Variants in GUCY1A2 observed in about 807,000 individuals in gnomAD.
GUCY1A2 encodes the protein guanylate cyclase soluble subunit alpha-2.
In GUCY1A2, 27 loss-of-function variants were observed where a neutral mutation model predicts 63.5. The observed-to-expected ratio is 0.43, with a 90% CI of 0.31 to 0.59. The LOEUF (loss-of-function observed/expected upper bound fraction) is 0.59. GUCY1A2 is among the 20% of genes least tolerant of loss of function. GUCY1A2 has a pLI of 0.11. For missense variants in GUCY1A2, 768 were observed against 913.3 expected, an observed-to-expected ratio of 0.84 and a Z score of 2.05; for synonymous variants, 364 against 343.5, an observed-to-expected ratio of 1.06 and a Z score of -0.66.
At chr11:106,697,739 G>A (rs1282001193) in intron 7 of GUCY1A2, among the ~76,000 whole-genome samples, 1 of 152,170 alleles carries the variant, frequency 6.6e-6, no homozygotes, top group East Asian at 1.9e-4. Flanking sequence ...TTAATTCTGA[G>A]AGTGAATAAA....
intron 1 of GUCY1A2, among the ~76,000 whole-genome samples, chr11:107,002,018 CA>C (rs142852537): frequency 0.015 from 1,517 of 100,620 alleles, 12 homozygotes; most frequent in African/African-American, 0.042. Flanking sequence ...GACTCTGTCT[CA>C]AAAAAAAAAA....
intron 6 of GUCY1A2, among the ~76,000 whole-genome samples, chr11:106,756,706 C>G (rs139222778): frequency 1.3e-5 from 2 of 152,074 alleles, no homozygotes; most frequent in Non-Finnish European, 2.9e-5. Flanking sequence ...GGGTTTTTGC[C>G]GAGAGATCTG....
rs1255084608 is a variant in GUCY1A2, at chr11:106,674,181, C to T, written c.*13368G>A. ...TTTGTTTTATAAGAATCCCACGTTT[C>T]CATCACTTATTTTTCATATACAAAT... On this transcript the variant is annotated 3_prime_UTR_variant, in exon 8 of 8. Coordinates refer to ENST00000526355, the MANE Select transcript of GUCY1A2 (RefSeq NM_000855.3). 1 of 184,450 alleles carries T rather than the reference C, an allele frequency of 5.4e-6. No homozygotes were observed. Among genetic ancestry groups the T allele is most frequent in the Non-Finnish European group, 1.2e-5 (1 of 86,916 alleles). 11.4% of individuals were successfully genotyped at this position (184,450 alleles called of 1,614,324 possible). A position where few individuals can be genotyped will look rare whatever the true frequency, so the allele number is the denominator to read the frequency against.
chr11:106,746,567 T>C, intron 6 of GUCY1A2: 1 of 1,591,610 alleles, frequency 6.3e-7, no homozygotes, highest in Non-Finnish European at 8.5e-7. Flanking sequence ...AGTACCCAAA[T>C]CCGTTTCACT....
intron 1 of GUCY1A2, among the ~76,000 whole-genome samples, chr11:107,011,683 T>C (rs1327837958): frequency 6.8e-6 from 1 of 147,834 alleles, no homozygotes; most frequent in Non-Finnish European, 1.5e-5. Context: ...ACAAACCTAA[T>C]AATCACTGAT....
intron 7 of GUCY1A2, among the ~76,000 whole-genome samples, chr11:106,689,367 AAAAC>A (rs1862582463): frequency 6.6e-6 from 1 of 152,204 alleles, no homozygotes; most frequent in African/African-American, 2.4e-5. Context: ...CGGTATATAA[AAAAC>A]AAGTCTCCTT....
chr11:106,879,103 C>A (rs188263212), intron 4 of GUCY1A2, among the ~76,000 whole-genome samples: 1 of 150,480 alleles, frequency 6.6e-6, no homozygotes, highest in East Asian at 2.0e-4. Flanking sequence ...GGTTTCACAC[C>A]AGAACAGTCT....
Position 106,676,524 on chromosome 11 carries a change from T to C in GUCY1A2, c.*11025A>G. ...AAATATGGAATACATTGTATATTGC[T>C]TTTTCAATAGAGTAGACATAAAATT... On this transcript the variant is annotated 3_prime_UTR_variant, in exon 8 of 8. Transcript: ENST00000526355. The C allele has an allele frequency of 5.4e-6, 1 of 186,516 alleles. No individual in the cohort carries two copies. Among genetic ancestry groups the C allele is most frequent in the Non-Finnish European group, 1.1e-5 (1 of 88,252 alleles). 11.6% of individuals were successfully genotyped at this position (186,516 alleles called of 1,614,324 possible).
intron 4 of GUCY1A2, among the ~76,000 whole-genome samples, chr11:106,916,883 A>C (rs186687622): frequency 6.9e-6 from 1 of 145,972 alleles, no homozygotes; most frequent in Non-Finnish European, 1.5e-5. Context: ...AAAAATTAGA[A>C]TGTACAAACT....
At chr11:106,851,791 C>T (rs369151574) in intron 4 of GUCY1A2, among the ~76,000 whole-genome samples, 1 of 151,920 alleles carries the variant, frequency 6.6e-6, no homozygotes, top group East Asian at 1.9e-4. Flanking sequence ...GGTGTGATGC[C>T]TACAGCTTTG....
At chr11:106,691,525 AT>A (rs1591231971) in intron 7 of GUCY1A2, among the ~76,000 whole-genome samples, 1 of 152,246 alleles carries the variant, frequency 6.6e-6, no homozygotes, top group East Asian at 1.9e-4. Context: ...TATAATTGAG[AT>A]TTTTCAACCC....
intron 4 of GUCY1A2, among the ~76,000 whole-genome samples, chr11:106,879,622 G>A (rs761089800): frequency 9.9e-5 from 15 of 152,056 alleles, no homozygotes; most frequent in Non-Finnish European, 1.8e-4. Context: ...GTTCCAGTGA[G>A]AAAGAGATGG....
intron 4 of GUCY1A2, chr11:106,826,309 T>G: frequency 1.9e-6 from 2 of 1,063,662 alleles, no homozygotes; most frequent in Non-Finnish European, 2.7e-6. Flanking sequence ...CATCATTAAC[T>G]CAATACAGTC....
chr11:106,830,366 AT>A (rs1859033787), intron 4 of GUCY1A2, among the ~76,000 whole-genome samples: 1 of 152,174 alleles, frequency 6.6e-6, no homozygotes, highest in African/African-American at 2.4e-5. Flanking sequence ...TGTGATGGTT[AT>A]TACTGAATGT....
At position 106,735,594 on chromosome 11, in the gene GUCY1A2, G is replaced by A. The variant is rs137935445; in HGVS notation, c.1837-26928C>T. ...TTGTGACTAGCGTTACAATAAACATGGGAGTGCAGTTATCTCTTCAATATA... is the reference window on the plus strand; with the variant it reads ...TTGTGACTAGCGTTACAATAAACATAGGAGTGCAGTTATCTCTTCAATATA... On this transcript the variant is annotated intron_variant, in intron 6 of 7. Transcript: ENST00000526355. 6.6e-3 allele frequency among the ~76,000 whole-genome samples: 1,011 copies of A among 152,268 alleles called. 12 individuals carry two copies. The highest frequency in any genetic ancestry group is 0.022 in the African/African-American group (917 of 41,572).
At chr11:107,010,389 C>A (rs1291938492) in intron 1 of GUCY1A2, among the ~76,000 whole-genome samples, 6 of 152,136 alleles carry the variant, frequency 3.9e-5, no homozygotes, top group African/African-American at 1.4e-4. Flanking sequence ...GAGAATTGGG[C>A]AGAAAATATA....
Position 106,725,258 on chromosome 11 carries a change from C to T in GUCY1A2, c.1837-16592G>A, listed in dbSNP as rs1456784510. Among the ~76,000 whole-genome samples, 23 of 54,816 alleles carry T rather than the reference C, an allele frequency of 4.2e-4. 1 individual carries two copies. Among genetic ancestry groups the T allele is most frequent in the Admixed American group, 7.8e-4 (4 of 5,158 alleles). 36.0% of individuals were successfully genotyped at this position (54,816 alleles called of 152,430 possible). Reference sequence around the variant, plus strand: ...CGGGATCTCGGCTCACTGGAGGCTCCGCCTCCCGGGTTCACGCCATTCTCC... The same window carrying T: ...CGGGATCTCGGCTCACTGGAGGCTCTGCCTCCCGGGTTCACGCCATTCTCC... On this transcript the variant is annotated intron_variant, in intron 6 of 7. Transcript: ENST00000526355.
At chr11:106,833,862 A>G (rs983683025) in intron 4 of GUCY1A2, among the ~76,000 whole-genome samples, 1 of 152,050 alleles carries the variant, frequency 6.6e-6, no homozygotes, top group Non-Finnish European at 1.5e-5. Context: ...CTTTGAGAAG[A>G]GCTATGCAGT....
chr11:106,843,345 G>T (rs1024413167), intron 4 of GUCY1A2, among the ~76,000 whole-genome samples: 12 of 151,912 alleles, frequency 7.9e-5, no homozygotes, highest in Non-Finnish European at 1.8e-4. Context: ...CACTGCTTGG[G>T]TGATGGGTGC....
Sources: allele counts gnomAD v4.1 joint callset (sites outside exome capture counted in the v4.1 genomes callset), GRCh38; gene constraint gnomAD v4.1.1; transcripts MANE v1.5; gene names NCBI Gene and HGNC (gene_info 2026-07-23, HGNC 2026-07-21).